The following NWD1 variants were observed in gnomAD, a reference collection of about 807,000 sequenced individuals.
The protein encoded by NWD1 is NACHT domain- and WD repeat-containing protein 1.
In NWD1, 129 loss-of-function variants were observed where a neutral mutation model predicts 135.1. The ratio of observed to expected loss-of-function variants is 0.96; its 90% CI spans 0.83 to 1.11. The LOEUF (loss-of-function observed/expected upper bound fraction) is 1.11. NWD1 is among the 50% of genes least tolerant of loss of function. NWD1 has a pLI of 0.00. For synonymous variants in NWD1, 773 were observed against 786.0 expected, an observed-to-expected ratio of 0.98 and a Z score of 0.28; for missense variants, 1,740 against 1,851.3, an observed-to-expected ratio of 0.94 and a Z score of 1.10.
At chr19:16,738,356 G>A in intron 4 of NWD1, 1 of 318,328 alleles carries the variant, frequency 3.1e-6, no homozygotes, top group Admixed American at 3.4e-5. Context: ...ACAATTTGAG[G>A]TCAGGAGTTT....
At chr19:16,771,022 G>A (rs551874683) in intron 10 of NWD1, among the ~76,000 whole-genome samples, 1 of 152,244 alleles carries the variant, frequency 6.6e-6, no homozygotes, top group African/African-American at 2.4e-5. Flanking sequence ...AGATGGGGCC[G>A]AGTGCGGGGG....
chr19:16,774,675 C>T (rs1458735871), intron 11 of NWD1, among the ~76,000 whole-genome samples: 1 of 151,864 alleles, frequency 6.6e-6, no homozygotes, highest in Admixed American at 6.6e-5. Flanking sequence ...CATCCACTCA[C>T]CCACCTACAC....
intron 18 of NWD1, among the ~76,000 whole-genome samples, chr19:16,813,264 A>G (rs1192607824): frequency 6.6e-6 from 1 of 152,132 alleles, no homozygotes; most frequent in Admixed American, 6.6e-5. Flanking sequence ...ACATCACTAC[A>G]TTCCAGCATA....
intron 12 of NWD1, among the ~76,000 whole-genome samples, chr19:16,787,922 C>A (rs867556494): frequency 0.036 from 4,979 of 138,952 alleles, 123 homozygotes; most frequent in South Asian, 0.089. Flanking sequence ...TCATCATCAT[C>A]ATCATCATCA....
chr19:16,757,648 C>T (rs1282420671), intron 6 of NWD1, among the ~76,000 whole-genome samples: 2 of 152,164 alleles, frequency 1.3e-5, no homozygotes, highest in Non-Finnish European at 2.9e-5. Flanking sequence ...GGTGCCCGCT[C>T]TGAGGTTCGC....
chr19:16,791,673 C>G (rs770368333), intron 14 of NWD1, 51 bp downstream of exon 14: 1 of 1,526,534 alleles, frequency 6.6e-7, no homozygotes, highest in South Asian at 1.1e-5. Context: ...CTTGAAAGTG[C>G]TCAGATGTGC....
chr19:16,733,387 G>C (rs934073514), intron 3 of NWD1, among the ~76,000 whole-genome samples: 1 of 151,984 alleles, frequency 6.6e-6, no homozygotes. Flanking sequence ...CAGATGTGGT[G>C]ACACGCACCT....
chr19:16,785,754 A>G (rs1001916203), intron 12 of NWD1, among the ~76,000 whole-genome samples: 2 of 147,740 alleles, frequency 1.4e-5, no homozygotes, highest in Non-Finnish European at 3.0e-5. Context: ...GAAAGTATAT[A>G]TACATATATA....
In NWD1 at chr19:16,807,867, A is replaced by G. The variant is rs1970801763; in HGVS notation, c.4018A>G (p.Arg1340Gly). Residue 1340 changes from arginine to glycine, a missense_variant, in exon 18 of 19, where the codon AGA becomes GGA. Physicochemically the swap from Arg to Gly is moderately radical, Grantham distance 125 (BLOSUM62 -2). Coordinates refer to ENST00000524140, the MANE Select transcript of NWD1 (RefSeq NM_001007525.5). ...GDPCPVIDGP[R>G]YTFYTQLPET... ...CCCCTGCCCGGTCATCGATGGGCCAAGATACACCTTTTACACTCAGCTGCC... is the reference window on the plus strand; with the variant it reads ...CCCCTGCCCGGTCATCGATGGGCCAGGATACACCTTTTACACTCAGCTGCC... 1 of 1,614,066 alleles carries G rather than the reference A, an allele frequency of 6.2e-7. No homozygotes were observed. The highest frequency in any genetic ancestry group is 1.3e-5 in the African/African-American group (1 of 74,910).
chr19:16,791,252 A>G (rs906489300), intron 13 of NWD1, 98 bp from the exon 14 acceptor site: 1 of 1,068,340 alleles, frequency 9.4e-7, no homozygotes, highest in Admixed American at 2.1e-5. Context: ...AAGAAAATGC[A>G]TAAAGTATAC....
chr19:16,742,191 A>C (rs1366219097), intron 4 of NWD1, among the ~76,000 whole-genome samples: 1 of 152,028 alleles, frequency 6.6e-6, no homozygotes, highest in Non-Finnish European at 1.5e-5. Context: ...CCTGGCCAAC[A>C]TGGCGAAACC....
chr19:16,744,936 C>T (rs1039618998), intron 5 of NWD1: 17 of 650,768 alleles, frequency 2.6e-5, no homozygotes, highest in African/African-American at 7.2e-5. Flanking sequence ...TTCCTCTCCT[C>T]GCTGGCTCTT....
At chr19:16,773,062 C>A in intron 10 of NWD1, 64 bp from the exon 11 acceptor site, 1 of 1,397,926 alleles carries the variant, frequency 7.2e-7, no homozygotes, top group Non-Finnish European at 1.0e-6. Context: ...AGCAGAGACT[C>A]AATTGGCAGG....
chr19:16,752,433 A>G (rs1335059881), intron 6 of NWD1, among the ~76,000 whole-genome samples: 5 of 152,110 alleles, frequency 3.3e-5, no homozygotes, highest in Admixed American at 1.3e-4. Context: ...AGGTGGGAGG[A>G]TCACTTGAAT....
chr19:16,760,171 GACTAAACTAA>G (rs112199207), intron 7 of NWD1, among the ~76,000 whole-genome samples: 193 of 151,422 alleles, frequency 1.3e-3, no homozygotes, highest in African/African-American at 3.7e-3. Flanking sequence ...AACTAAACTA[GACTAAACTAA>G]ACTAAACTAA....
intron 7 of NWD1, among the ~76,000 whole-genome samples, chr19:16,760,517 C>T (rs1240782349): frequency 3.3e-5 from 5 of 152,076 alleles, no homozygotes; most frequent in African/African-American, 1.2e-4. Context: ...ACATCGGCCT[C>T]CCAAAGTGCT....
intron 17 of NWD1, among the ~76,000 whole-genome samples, chr19:16,800,728 C>A (rs1245095591): frequency 6.6e-6 from 1 of 152,012 alleles, no homozygotes; most frequent in Admixed American, 6.6e-5. Flanking sequence ...TCTCTTGTGT[C>A]TCTTCTTATA....
At position 16,815,856 on chromosome 19, in the gene NWD1, G is replaced by A. The variant is rs773889; in HGVS notation, c.*817G>A. 149,069 of 153,182 alleles carry A rather than the reference G, an allele frequency of 0.97. 72,707 individuals are homozygous for A. Among genetic ancestry groups the A allele is most frequent in the Middle Eastern group, 1 (294 of 294 alleles). The allele number at this position is 153,182 out of a possible 1,614,324, so 9.5% of individuals were successfully genotyped here. On this transcript the variant is annotated 3_prime_UTR_variant, in exon 19 of 19. Coordinates refer to ENST00000524140, the MANE Select transcript of NWD1 (RefSeq NM_001007525.5). ...AACCTCACAGTTTATAAAGCTGTAG[G>A]TGCTGTCATCTGATCCTCATCACAA...
chr19:16,767,951 CCACATTGTAG>C (rs1969284602), intron 10 of NWD1, among the ~76,000 whole-genome samples: 2 of 150,658 alleles, frequency 1.3e-5, no homozygotes, highest in South Asian at 4.2e-4. Flanking sequence ...CAAGTTTCAT[CCACATTGTAG>C]CATATGTCAG....
Sources: allele counts gnomAD v4.1 joint callset (sites outside exome capture counted in the v4.1 genomes callset), GRCh38; gene constraint gnomAD v4.1.1; transcripts MANE v1.5; gene names NCBI Gene and HGNC (gene_info 2026-07-23, HGNC 2026-07-21).